SLC16A10: variants seen among roughly 807,000 people sequenced by gnomAD.
SLC16A10 encodes the protein solute carrier family 16 member 10, also known as monocarboxylate transporter 10.
Under a neutral mutation model 40.0 loss-of-function variants are expected in SLC16A10, and 27 were observed. The observed-to-expected ratio is 0.67, with a 90% CI of 0.50 to 0.93. SLC16A10 has a LOEUF of 0.93. SLC16A10 is among the 40% of genes least tolerant of loss of function. SLC16A10 has a pLI of 0.00. For missense variants in SLC16A10, 529 were observed against 658.2 expected, an observed-to-expected ratio of 0.80 and a Z score of 2.15; for synonymous variants, 213 against 249.8, an observed-to-expected ratio of 0.85 and a Z score of 1.39.
intron 3 of SLC16A10, chr6:111,178,345 AG>A: frequency 1.9e-6 from 1 of 529,554 alleles, no homozygotes; most frequent in Non-Finnish European, 3.9e-6. Context: ...ATGGTTTTAT[AG>A]GAAATTAGGA....
At chr6:111,211,810 C>T (rs1042676624) in intron 4 of SLC16A10, among the ~76,000 whole-genome samples, 5 of 152,232 alleles carry the variant, frequency 3.3e-5, no homozygotes, top group African/African-American at 1.2e-4. Flanking sequence ...TGGCTCTTCT[C>T]TGCTGCAGTT....
At chr6:111,088,150 G>A in intron 1 of SLC16A10, 55 bp downstream of exon 1, 3 of 1,543,258 alleles carry the variant, frequency 1.9e-6, no homozygotes, top group Non-Finnish European at 2.6e-6. Flanking sequence ...GGGCCCCCGA[G>A]CGCATCCCGC....
Position 111,166,342 on chromosome 6 carries a change from T to C in SLC16A10, c.344-6353T>C, listed in dbSNP as rs147228637. On this transcript the variant is annotated intron_variant, in intron 1 of 5. Coordinates refer to ENST00000368851, the MANE Select transcript of SLC16A10 (RefSeq NM_018593.5). ...AGTTTAAGGTTTGGGGATACTAAAC[T>C]TTTCACAGATATTTTCCAGTATGTT... Among the ~76,000 whole-genome samples, 648 of 119,830 alleles carry C rather than the reference T, an allele frequency of 5.4e-3. 53 individuals are homozygous for C. Among genetic ancestry groups the C allele is most frequent in the Non-Finnish European group, 0.01 (501 of 49,530 alleles). 78.6% of individuals were successfully genotyped at this position (119,830 alleles called of 152,430 possible). A position where few individuals can be genotyped will look rare whatever the true frequency, so the allele number is the denominator to read the frequency against.
At chr6:111,173,017 T>G (rs1359705701) in intron 2 of SLC16A10, among the ~76,000 whole-genome samples, 178 bp downstream of exon 2, 1 of 152,226 alleles carries the variant, frequency 6.6e-6, no homozygotes, top group Admixed American at 6.5e-5. Context: ...CTTGAGAATT[T>G]GAATGCTTTT....
intron 3 of SLC16A10, among the ~76,000 whole-genome samples, chr6:111,183,161 G>A (rs1253710035): frequency 6.6e-6 from 1 of 152,042 alleles, no homozygotes; most frequent in Non-Finnish European, 1.5e-5. Context: ...CTACCTCTCC[G>A]AGCTTCCATC....
chr6:111,218,744 A>T, intron 4 of SLC16A10, 70 bp from the exon 5 acceptor site: 1 of 1,299,564 alleles, frequency 7.7e-7, no homozygotes, highest in Non-Finnish European at 1.1e-6. Flanking sequence ...TAGAAGTCCT[A>T]AGCATGTTGC....
At chr6:111,182,919 C>T (rs1772827633) in intron 3 of SLC16A10, among the ~76,000 whole-genome samples, 1 of 152,182 alleles carries the variant, frequency 6.6e-6, no homozygotes, top group South Asian at 2.1e-4. Context: ...ACTACTCATA[C>T]CTTAGCCCAG....
intron 3 of SLC16A10, chr6:111,193,447 A>T (rs1025806233): frequency 2.5e-6 from 1 of 407,498 alleles, no homozygotes; most frequent in African/African-American, 2.2e-5. Flanking sequence ...TCATGGGGAC[A>T]TTTAATATTT....
At chr6:111,198,680 T>C (rs1162228100) in intron 3 of SLC16A10, among the ~76,000 whole-genome samples, 1 of 152,206 alleles carries the variant, frequency 6.6e-6, no homozygotes, top group Non-Finnish European at 1.5e-5. Flanking sequence ...ATCGCTGTTA[T>C]ATATGTGGCT....
intron 1 of SLC16A10, among the ~76,000 whole-genome samples, chr6:111,104,748 A>T (rs1414993791): frequency 6.6e-6 from 1 of 152,190 alleles, no homozygotes; most frequent in Non-Finnish European, 1.5e-5. Context: ...GAGGAACATG[A>T]CATAATGGAA....
At chr6:111,160,816 T>C (rs1772357048) in intron 1 of SLC16A10, among the ~76,000 whole-genome samples, 1 of 152,174 alleles carries the variant, frequency 6.6e-6, no homozygotes, top group South Asian at 2.1e-4. Flanking sequence ...TGGGGCTTTT[T>C]ATGGACTCAG....
chr6:111,099,343 T>A (rs1771131109), intron 1 of SLC16A10, among the ~76,000 whole-genome samples: 2 of 152,172 alleles, frequency 1.3e-5, no homozygotes, highest in Admixed American at 1.3e-4. Context: ...TGAGACTGGG[T>A]CCTGCTCTGC....
chr6:111,114,702 G>T (rs1280429010), intron 1 of SLC16A10, among the ~76,000 whole-genome samples: 1 of 152,058 alleles, frequency 6.6e-6, no homozygotes, highest in Non-Finnish European at 1.5e-5. Flanking sequence ...GGAAATGGAG[G>T]GGGGAGGCCA....
At chr6:111,093,051 A>AG (rs1235352183) in intron 1 of SLC16A10, among the ~76,000 whole-genome samples, 61 of 151,100 alleles carry the variant, frequency 4.0e-4, no homozygotes, top group African/African-American at 1.4e-3. Flanking sequence ...CAAAAAAAAA[A>AG]AAAAGAAAAG....
At chr6:111,113,445 A>T (rs1162283971) in intron 1 of SLC16A10, among the ~76,000 whole-genome samples, 1 of 152,218 alleles carries the variant, frequency 6.6e-6, no homozygotes, top group African/African-American at 2.4e-5. Context: ...GGGAAGAAGA[A>T]GCTATCAGGA....
intron 1 of SLC16A10, among the ~76,000 whole-genome samples, chr6:111,167,651 G>A (rs11966185): frequency 0.015 from 2,158 of 148,722 alleles, 50 homozygotes; most frequent in African/African-American, 0.053. Flanking sequence ...TTTATTGTGT[G>A]TGTGTGTATG....
At chr6:111,194,048 A>G (rs1773039817) in intron 3 of SLC16A10, among the ~76,000 whole-genome samples, 1 of 152,148 alleles carries the variant, frequency 6.6e-6, no homozygotes, top group Non-Finnish European at 1.5e-5. Context: ...TCTTCTCTTC[A>G]TTGCTCTAGC....
intron 1 of SLC16A10, among the ~76,000 whole-genome samples, chr6:111,144,768 G>A (rs1772047038): frequency 6.6e-6 from 1 of 152,186 alleles, no homozygotes; most frequent in Admixed American, 6.5e-5. Context: ...ATTTCTTGTT[G>A]AATACTTTAT....
At chr6:111,206,280 T>C (rs1007605325) in intron 3 of SLC16A10, among the ~76,000 whole-genome samples, 2 of 152,138 alleles carry the variant, frequency 1.3e-5, no homozygotes, top group Admixed American at 6.5e-5. Context: ...TTTCACCACG[T>C]TGGCCAGGCT....
Sources: allele counts gnomAD v4.1 joint callset (sites outside exome capture counted in the v4.1 genomes callset), GRCh38; gene constraint gnomAD v4.1.1; transcripts MANE v1.5; gene names NCBI Gene and HGNC (gene_info 2026-07-23, HGNC 2026-07-21).